Variants in GALNT17 observed in about 807,000 individuals in gnomAD.
GALNT17 encodes the protein polypeptide N-acetylgalactosaminyltransferase 17, also known as UDP-GalNAc:polypeptide N-acetylgalactosaminyltransferase-like 3.
GALNT17 carries 29 observed loss-of-function variants against 63.7 expected under a neutral mutation model. That is an observed-to-expected ratio of 0.46 (90% CI 0.34 to 0.62). The LOEUF (loss-of-function observed/expected upper bound fraction) is 0.62, where lower values mean the gene tolerates loss of function less well. Ranked by LOEUF, GALNT17 falls within the 20% of genes least tolerant of loss-of-function variation. The probability of loss-of-function intolerance (pLI) is 0.01; values close to 1 mark genes in which losing one functional copy is unlikely to be tolerated. For synonymous variants in GALNT17, 305 were observed against 318.3 expected, an observed-to-expected ratio of 0.96 and a Z score of 0.45; for missense variants, 603 against 799.6, an observed-to-expected ratio of 0.75 and a Z score of 2.97.
intron 1 of GALNT17, among the ~76,000 whole-genome samples, chr7:71,252,190 C>T (rs554440406): frequency 6.7e-6 from 1 of 148,346 alleles, no homozygotes; most frequent in African/African-American, 2.5e-5. Context: ...TTATTATAGG[C>T]TTGCAACCTT....
At chr7:71,349,689 T>C (rs898694853) in intron 2 of GALNT17, among the ~76,000 whole-genome samples, 1 of 152,196 alleles carries the variant, frequency 6.6e-6, no homozygotes, top group Non-Finnish European at 1.5e-5. Flanking sequence ...CAAGTGATTA[T>C]TCCTTGAAAA....
chr7:71,590,742 T>G (rs1789785138), intron 6 of GALNT17, among the ~76,000 whole-genome samples: 1 of 152,186 alleles, frequency 6.6e-6, no homozygotes, highest in Non-Finnish European at 1.5e-5. Context: ...TTGTTTGTTT[T>G]TTGAGATGGA....
chr7:71,575,794 G>A (rs1296075211), intron 6 of GALNT17, among the ~76,000 whole-genome samples: 3 of 152,062 alleles, frequency 2.0e-5, no homozygotes, highest in Non-Finnish European at 4.4e-5. Flanking sequence ...AGATCTGTCA[G>A]AAGAACACAA....
intron 5 of GALNT17, among the ~76,000 whole-genome samples, chr7:71,464,466 C>T (rs1175557294): frequency 6.6e-6 from 1 of 152,098 alleles, no homozygotes; most frequent in Non-Finnish European, 1.5e-5. Context: ...CTTTGATGAA[C>T]CCAACCTCTC....
chr7:71,332,431 A>G (rs1269214708), intron 1 of GALNT17, among the ~76,000 whole-genome samples: 1 of 152,180 alleles, frequency 6.6e-6, no homozygotes, highest in Non-Finnish European at 1.5e-5. Context: ...GTTAATGAGC[A>G]ACTCATCCTC....
intron 2 of GALNT17, among the ~76,000 whole-genome samples, chr7:71,367,677 C>A (rs1344098396): frequency 2.0e-5 from 3 of 152,174 alleles, no homozygotes; most frequent in Non-Finnish European, 4.4e-5. Context: ...TCCACCAGCT[C>A]CTTTCAAATT....
chr7:71,326,377 C>T (rs749155181), intron 1 of GALNT17, among the ~76,000 whole-genome samples: 2 of 152,028 alleles, frequency 1.3e-5, no homozygotes, highest in African/African-American at 2.4e-5. Context: ...GAAGATCCCT[C>T]GAGCCCAGTA....
intron 5 of GALNT17, among the ~76,000 whole-genome samples, chr7:71,423,908 GGA>G (rs1786711591): frequency 6.6e-6 from 1 of 152,102 alleles, no homozygotes; most frequent in Non-Finnish European, 1.5e-5. Context: ...GGCAATAGAA[GGA>G]GACCCTGTCA....
At chr7:71,225,999 A>G (rs1789673008) in intron 1 of GALNT17, among the ~76,000 whole-genome samples, 1 of 151,616 alleles carries the variant, frequency 6.6e-6, no homozygotes, top group South Asian at 2.1e-4. Flanking sequence ...AGATGTATAC[A>G]TATATATATG....
chr7:71,172,376 G>A (rs1013175495), intron 1 of GALNT17, among the ~76,000 whole-genome samples: 47 of 151,310 alleles, frequency 3.1e-4, no homozygotes, highest in African/African-American at 1.1e-3. Context: ...AGGATTGCTT[G>A]AGCCCAGAAG....
At chr7:71,260,523 C>T (rs747553991) in intron 1 of GALNT17, among the ~76,000 whole-genome samples, 1 of 152,248 alleles carries the variant, frequency 6.6e-6, no homozygotes, top group South Asian at 2.1e-4. Context: ...AAATATTCTA[C>T]TCCTCCTCTT....
At chr7:71,240,235 G>C (rs1011640565) in intron 1 of GALNT17, among the ~76,000 whole-genome samples, 14 of 152,194 alleles carry the variant, frequency 9.2e-5, no homozygotes, top group African/African-American at 2.9e-4. Flanking sequence ...ATTTAGATGA[G>C]ATATAATCTC....
At chr7:71,695,602 CT>C (rs1791528261) in intron 9 of GALNT17, among the ~76,000 whole-genome samples, 1 of 152,162 alleles carries the variant, frequency 6.6e-6, no homozygotes, top group Non-Finnish European at 1.5e-5. Context: ...GTGTGTGCAC[CT>C]GTGAAGGGGC....
intron 5 of GALNT17, among the ~76,000 whole-genome samples, chr7:71,489,961 C>T (rs1234176157): frequency 6.6e-6 from 1 of 151,974 alleles, no homozygotes; most frequent in Non-Finnish European, 1.5e-5. Flanking sequence ...GAGTCCAAGA[C>T]CAGCCTGTGC....
At chr7:71,394,296 C>A (rs938079575) in intron 3 of GALNT17, among the ~76,000 whole-genome samples, 3 of 152,104 alleles carry the variant, frequency 2.0e-5, no homozygotes, top group Non-Finnish European at 4.4e-5. Flanking sequence ...GGAGAACTCA[C>A]TGAATTCCAT....
rs189430556 is a variant in GALNT17, at chr7:71,365,229, G to A, written c.423-23006G>A. On this transcript the variant is annotated intron_variant, in intron 2 of 10. Coordinates refer to ENST00000333538, the MANE Select transcript of GALNT17 (RefSeq NM_022479.3). ...ATTACAGGCATAAGCCACCACATCCGGTCATGGAAGGAATAGTTTTTGTTT... is the reference window on the plus strand; with the variant it reads ...ATTACAGGCATAAGCCACCACATCCAGTCATGGAAGGAATAGTTTTTGTTT... Among the ~76,000 whole-genome samples the A allele has an allele frequency of 3.0e-4, 46 of 151,872 alleles. No individual in the cohort carries two copies. In the East Asian group the frequency reaches 5.3e-3, roughly 17 times the overall value.
intron 1 of GALNT17, among the ~76,000 whole-genome samples, chr7:71,267,139 C>T (rs1790505004): frequency 6.6e-6 from 1 of 152,216 alleles, no homozygotes; most frequent in Non-Finnish European, 1.5e-5. Context: ...AGTGACTTGC[C>T]TCACTCCGTT....
intron 5 of GALNT17, among the ~76,000 whole-genome samples, chr7:71,530,535 A>C (rs1382327632): frequency 7.0e-6 from 1 of 142,758 alleles, no homozygotes; most frequent in Non-Finnish European, 1.5e-5. Context: ...GAGAGGTACA[A>C]GAATTTATTT....
intron 5 of GALNT17, among the ~76,000 whole-genome samples, chr7:71,510,871 G>C (rs887866488): frequency 6.6e-6 from 1 of 152,128 alleles, no homozygotes; most frequent in South Asian, 2.1e-4. Context: ...AGACCTGCAA[G>C]ATGAGGTTGG....
Sources: allele counts gnomAD v4.1 joint callset (sites outside exome capture counted in the v4.1 genomes callset), GRCh38; gene constraint gnomAD v4.1.1; transcripts MANE v1.5; gene names NCBI Gene and HGNC (gene_info 2026-07-23, HGNC 2026-07-21).